Variants in CAPN6 observed in about 807,000 individuals in gnomAD.
CAPN6 encodes calpain 6.
In CAPN6, 16 loss-of-function variants were observed where a neutral mutation model predicts 46.0. The ratio of observed to expected loss-of-function variants is 0.35; its 90% confidence interval spans 0.24 to 0.53. CAPN6 has a LOEUF of 0.53. CAPN6 is among the 20% of genes least tolerant of loss of function. The pLI is 0.94. For synonymous variants in CAPN6, 206 were observed against 172.8 expected, an observed-to-expected ratio of 1.19 and a Z score of -1.51; for missense variants, 461 against 498.0, an observed-to-expected ratio of 0.93 and a Z score of 0.71.
chrX:111,258,044 A>C (rs761602034), intron 2 of CAPN6, among the ~76,000 whole-genome samples: 2 of 111,805 alleles, frequency 1.8e-5, no homozygotes, highest in Admixed American at 9.5e-5. Flanking sequence ...GCTTAGTCTT[A>C]AGGGACTTCT....
chrX:111,247,557 G>A, intron 11 of CAPN6, 53 bp from the exon 12 acceptor site: 3 of 1,137,859 alleles, frequency 2.6e-6, no homozygotes, highest in Non-Finnish European at 3.6e-6. Flanking sequence ...TCCTTTTCTA[G>A]ATAGACAAGA....
intron 1 of CAPN6, among the ~76,000 whole-genome samples, chrX:111,267,717 G>A (rs780776334): frequency 8.9e-6 from 1 of 111,941 alleles, no homozygotes; most frequent in South Asian, 3.8e-4. Context: ...GAACTTAATG[G>A]GGAGAGGGAG....
intron 1 of CAPN6, among the ~76,000 whole-genome samples, chrX:111,269,650 A>G (rs747038664): frequency 6.3e-5 from 7 of 111,976 alleles, no homozygotes; most frequent in Non-Finnish European, 1.3e-4. Context: ...ACCCTAGAAC[A>G]GTGTACTTGG....
At chrX:111,266,265 C>T (rs750493800) in intron 1 of CAPN6, among the ~76,000 whole-genome samples, 11 of 106,783 alleles carry the variant, frequency 1.0e-4, no homozygotes, top group South Asian at 8.2e-4. Flanking sequence ...AAAAAGTGAC[C>T]CGCATTTCTG....
At chrX:111,267,136 A>G (rs2094992607) in intron 1 of CAPN6, among the ~76,000 whole-genome samples, 1 of 111,744 alleles carries the variant, frequency 8.9e-6, no homozygotes, top group Non-Finnish European at 1.9e-5. Context: ...GTTAAAGATC[A>G]CATATTAGGA....
rs2094995170 is a variant in CAPN6 at position 111,270,403 on chromosome X, T to TGCTGCTGCTGCC, written c.-49_-48insGGCAGCAGCAGC. On this transcript the variant is annotated 5_prime_UTR_variant, in exon 1 of 13. Transcript: ENST00000324068. ...ATCCCAGGAGCCCTGCTGCTGCTGCTGCTGCTGCTGCTGCTGCTGCTGCCG... is the reference window on the plus strand; with the variant it reads ...ATCCCAGGAGCCCTGCTGCTGCTGCTGCTGCTGCTGCCGCTGCTGCTGCTGCTGCTGCTGCCG... The TGCTGCTGCTGCC allele has an allele frequency of 2.9e-6, 1 of 350,541 alleles. No individual in the cohort carries two copies. The highest frequency in any genetic ancestry group is 4.7e-4 in the Middle Eastern group (1 of 2,141). The allele number at this position is 350,541 out of a possible 1,213,427, so 28.9% of individuals were successfully genotyped here.
At chrX:111,265,638 T>G (rs2094991201) in intron 1 of CAPN6, among the ~76,000 whole-genome samples, 1 of 112,251 alleles carries the variant, frequency 8.9e-6, no homozygotes, top group African/African-American at 3.2e-5. Context: ...CCAATTTTCT[T>G]GTGTGCTCAA....
chrX:111,250,773 G>A (rs774249531), intron 8 of CAPN6, 144 bp downstream of exon 8: 4 of 570,445 alleles, frequency 7.0e-6, no homozygotes, highest in African/African-American at 2.3e-5. Context: ...GAGACAATCC[G>A]TAGGGATCCT....
chrX:111,260,585 T>G (rs1203949215), intron 2 of CAPN6, among the ~76,000 whole-genome samples: 1 of 111,928 alleles, frequency 8.9e-6, no homozygotes, highest in Non-Finnish European at 1.9e-5. Flanking sequence ...CTGAGCCAAT[T>G]CAGAGAGGCC....
chrX:111,252,470 C>G lies in CAPN6; in HGVS notation c.536G>C (p.Gly179Ala). ...CACAATAATATCAGTGATGGTCAAA[C>G]CATCCAGGGCCTCATAACAGCCTAG... is the stretch of plus-strand genomic sequence containing the variant. ...KLLGCYEALDGLTITDIIVDF... is the reference protein window; with the variant it reads ...KLLGCYEALDALTITDIIVDF... Residue 179 changes from glycine to alanine, a missense_variant, in exon 5 of 13, where the codon GGT becomes GCT. By Grantham distance (60) the Gly-to-Ala change is moderately conservative. Coordinates refer to ENST00000324068, the MANE Select transcript of CAPN6 (RefSeq NM_014289.4). The G allele has an allele frequency of 5.0e-6, 6 of 1,207,080 alleles. No individual in the cohort carries two copies. The highest frequency in any genetic ancestry group is 6.7e-6 in the Non-Finnish European group (6 of 893,747).
At chrX:111,252,545 G>GGT in intron 4 of CAPN6, 46 bp from the exon 5 acceptor site, 1 of 1,029,904 alleles carries the variant, frequency 9.7e-7, no homozygotes, top group Non-Finnish European at 1.3e-6. Context: ...TGTTTTTCCA[G>GGT]GTCAAGAACA....
Position 111,252,460 on chromosome X carries a change from G to C in CAPN6, c.546C>G (p.Ile182Met), listed in dbSNP as rs929478686. The change falls in exon 5 of 13, where the codon ATC becomes ATG. Residue 182 changes from isoleucine (I) to methionine (M), a missense_variant. By Grantham distance (10) the Ile-to-Met change is conservative (BLOSUM62 1). Coordinates refer to ENST00000324068, the MANE Select transcript of CAPN6 (RefSeq NM_014289.4). ...CCGTGAAGTCCACAATAATATCAGT[G>C]ATGGTCAAACCATCCAGGGCCTCAT... ...GCYEALDGLT[I>M]TDIIVDFTGT... is the part of the protein sequence containing the mutation. The C allele has an allele frequency of 1.7e-6, 2 of 1,208,793 alleles. No homozygotes were observed. The highest frequency in any genetic ancestry group is 2.2e-5 in the Admixed American group (1 of 45,632).
intron 5 of CAPN6, 75 bp downstream of exon 5, chrX:111,252,232 G>A (rs1031477838): frequency 5.8e-5 from 50 of 862,028 alleles, no homozygotes; most frequent in Non-Finnish European, 7.7e-5. Flanking sequence ...GGTTAAGGGC[G>A]AATTTCCCTA....
At chrX:111,255,750 T>G (rs537858915) in intron 2 of CAPN6, among the ~76,000 whole-genome samples, 1 of 111,690 alleles carries the variant, frequency 9.0e-6, no homozygotes, top group African/African-American at 3.3e-5. Context: ...TAGGCAGGCA[T>G]TCTGGGCAAA....
chrX:111,262,638 C>T (rs1158830768), intron 2 of CAPN6, among the ~76,000 whole-genome samples: 1 of 111,809 alleles, frequency 8.9e-6, no homozygotes, highest in Non-Finnish European at 1.9e-5. Flanking sequence ...TCATCACCTA[C>T]ATTGAGAAGG....
chrX:111,246,776 A>T lies in CAPN6; in HGVS notation c.1744-17T>A. The T allele has an allele frequency of 1.7e-6, 2 of 1,190,108 alleles. No homozygotes were observed. The highest frequency in any genetic ancestry group is 2.3e-6 in the Non-Finnish European group (2 of 881,247). On this transcript the variant is annotated splice_polypyrimidine_tract_variant and intron_variant, in intron 12 of 12. Transcript: ENST00000324068. Reference sequence around the variant, plus strand: ...GTTCCAGACCTGGAAAGACAAACGAAGGGAGTGAAGATGAGCAGCCCTCAG... The same window carrying T: ...GTTCCAGACCTGGAAAGACAAACGATGGGAGTGAAGATGAGCAGCCCTCAG...
Position 111,269,959 on chromosome X carries a change from G to A in CAPN6, c.-16+412C>T, listed in dbSNP as rs762234344. ...ATAATTTTCCCACAGCTGTGGGTCAGCAGAAGCTAGAAGGAGGCCCTGAAA... is the reference window on the plus strand; with the variant it reads ...ATAATTTTCCCACAGCTGTGGGTCAACAGAAGCTAGAAGGAGGCCCTGAAA... On this transcript the variant is annotated intron_variant, in intron 1 of 12. Transcript: ENST00000324068. Among the ~76,000 whole-genome samples, 16 of 112,099 alleles carry A rather than the reference G, an allele frequency of 1.4e-4. No homozygotes were observed. In the South Asian group the frequency reaches 6.0e-3, roughly 42 times the overall value.
intron 3 of CAPN6, 63 bp from the exon 4 acceptor site, chrX:111,253,279 A>AATCT: frequency 1.1e-6 from 1 of 907,677 alleles, no homozygotes; most frequent in South Asian, 2.1e-5. Context: ...AACTGAGATT[A>AATCT]CAGTTTACTC....
At chrX:111,259,218 A>C (rs935611537) in intron 2 of CAPN6, among the ~76,000 whole-genome samples, 1 of 112,788 alleles carries the variant, frequency 8.9e-6, no homozygotes, top group Non-Finnish European at 1.9e-5. Flanking sequence ...AAAGCTGTTA[A>C]AGTTTGTTAA....
Sources: gnomAD v4.1 joint callset for allele counts (sites outside exome capture counted in the v4.1 genomes callset) on GRCh38, gnomAD v4.1.1 for gene constraint, MANE v1.5 for transcripts, NCBI Gene and HGNC (gene_info 2026-07-23, HGNC 2026-07-21) for gene names.